The following PTPRN2 variants were observed in gnomAD, a reference collection of about 807,000 sequenced individuals.
The protein encoded by PTPRN2 is protein tyrosine phosphatase receptor type N2.
PTPRN2 carries 74 observed loss-of-function variants against 118.8 expected under a neutral mutation model. That is an observed-to-expected ratio of 0.62 (90% CI 0.52 to 0.76). The LOEUF (loss-of-function observed/expected upper bound fraction) is 0.76, where lower values mean the gene tolerates loss of function less well. PTPRN2 is among the 30% of genes least tolerant of loss of function. The probability of loss-of-function intolerance (pLI) is 0.00; values close to 1 mark genes in which losing one functional copy is unlikely to be tolerated. For synonymous variants in PTPRN2, 641 were observed against 608.0 expected (o/e 1.05, Z -0.80); for missense variants, 1,481 against 1,394.4 (o/e 1.06, Z -0.99).
intron 1 of PTPRN2, 108 bp from the exon 2 acceptor site, chr7:158,489,893 G>A: frequency 6.6e-6 from 7 of 1,067,492 alleles, no homozygotes; most frequent in Non-Finnish European, 9.6e-6. Flanking sequence ...CGCCGGTCAA[G>A]CAGGCTCCTC....
intron 12 of PTPRN2, among the ~76,000 whole-genome samples, chr7:157,849,442 G>A (rs1809113008): frequency 6.6e-6 from 1 of 152,214 alleles, no homozygotes; most frequent in Non-Finnish European, 1.5e-5. Flanking sequence ...AGGTCCCTGA[G>A]CCACCGTTCC....
intron 12 of PTPRN2, among the ~76,000 whole-genome samples, chr7:157,734,403 A>G (rs1800181765): frequency 6.6e-6 from 1 of 152,268 alleles, no homozygotes; most frequent in African/African-American, 2.4e-5. Flanking sequence ...TGTTTGTTCC[A>G]GGAAAACCCA....
intron 1 of PTPRN2, among the ~76,000 whole-genome samples, chr7:158,501,498 AG>A (rs1232818463): frequency 6.6e-6 from 1 of 152,128 alleles, no homozygotes; most frequent in African/African-American, 2.4e-5. Context: ...ACACAACGCC[AG>A]GCTGAGGCTG....
chr7:157,883,969 A>G (rs1451210354), intron 12 of PTPRN2, among the ~76,000 whole-genome samples: 1 of 152,070 alleles, frequency 6.6e-6, no homozygotes, highest in Non-Finnish European at 1.5e-5. Flanking sequence ...AATGACTGTC[A>G]GAAACCAGAA....
chr7:158,313,109 T>C (rs146647185), intron 3 of PTPRN2, among the ~76,000 whole-genome samples: 217 of 152,080 alleles, frequency 1.4e-3, no homozygotes, highest in Non-Finnish European at 2.6e-3. Context: ...AGTGTGCAAG[T>C]GTGTGTGCAA....
chr7:157,872,917 C>T (rs1271497434), intron 12 of PTPRN2, among the ~76,000 whole-genome samples: 2 of 152,254 alleles, frequency 1.3e-5, no homozygotes, highest in Non-Finnish European at 2.9e-5. Context: ...GGCCACCTCC[C>T]CTTGCTGGGA....
At chr7:158,350,736 C>G (rs544672548) in intron 2 of PTPRN2, among the ~76,000 whole-genome samples, 1 of 152,230 alleles carries the variant, frequency 6.6e-6, no homozygotes, top group African/African-American at 2.4e-5. Context: ...CGCTCATCAC[C>G]GGCCAGGCCA....
intron 15 of PTPRN2, among the ~76,000 whole-genome samples, chr7:157,608,871 T>TA (rs1802163888): frequency 1.3e-5 from 2 of 152,174 alleles, no homozygotes; most frequent in Non-Finnish European, 2.9e-5. Flanking sequence ...TGAGAATTCA[T>TA]AACAGCCTGG....
intron 17 of PTPRN2, among the ~76,000 whole-genome samples, chr7:157,592,385 G>T (rs1050894085): frequency 2.0e-5 from 3 of 152,256 alleles, no homozygotes; most frequent in African/African-American, 7.2e-5. Flanking sequence ...CTTCATGTAG[G>T]ACCCAGCACC....
At position 157,627,020 on chromosome 7, in the gene PTPRN2, G is replaced by A. The variant is rs1173931927; in HGVS notation, c.2197-5511C>T. On this transcript the variant is annotated intron_variant, in intron 14 of 22. Coordinates refer to ENST00000389418, the MANE Select transcript of PTPRN2 (RefSeq NM_002847.5). The surrounding 1 kb of genome is among the most constrained non-coding windows in gnomAD (Gnocchi z 4.2). ...ACAGCAGTCGTATAAATTTGGAAGG[G>A]CAACAGTTCAGAGAGCTCTTCTCTA... is the stretch of plus-strand genomic sequence containing the variant. Among the ~76,000 whole-genome samples, 1 of 152,200 alleles carries A rather than the reference G, an allele frequency of 6.6e-6. No individual in the cohort carries two copies. Among genetic ancestry groups the A allele is most frequent in the Non-Finnish European group, 1.5e-5 (1 of 68,028 alleles).
intron 17 of PTPRN2, among the ~76,000 whole-genome samples, chr7:157,580,653 C>T (rs1380280595): frequency 5.2e-5 from 7 of 134,450 alleles, no homozygotes; most frequent in Admixed American, 5.2e-4. Context: ...CCTGCACACC[C>T]GAGCCCCTGA....
chr7:158,104,259 CAGAAGGCCTGA>C (rs1212776035), intron 10 of PTPRN2, among the ~76,000 whole-genome samples: 1 of 152,200 alleles, frequency 6.6e-6, no homozygotes, highest in East Asian at 1.9e-4. Flanking sequence ...TCTGAGGCAT[CAGAAGGCCTGA>C]GGAAGGCCAG....
At chr7:158,378,925 C>A (rs190067038) in intron 2 of PTPRN2, among the ~76,000 whole-genome samples, 2 of 152,320 alleles carry the variant, frequency 1.3e-5, no homozygotes, top group East Asian at 1.9e-4. Flanking sequence ...GGGGAGAAGA[C>A]CCCGCTCCCA....
In PTPRN2 at chr7:157,622,858, G is replaced by A. The variant is rs991339834; in HGVS notation, c.2197-1349C>T. Among the ~76,000 whole-genome samples, 28 of 152,306 alleles carry A rather than the reference G, an allele frequency of 1.8e-4. No individual in the cohort carries two copies. The highest frequency in any genetic ancestry group is 6.7e-4 in the African/African-American group (28 of 41,574). On this transcript the variant is annotated intron_variant, in intron 14 of 22. Coordinates refer to ENST00000389418, the MANE Select transcript of PTPRN2 (RefSeq NM_002847.5). The surrounding 1 kb of genome is among the most constrained non-coding windows in gnomAD (Gnocchi z 5.3). ...GGGACTCCAGTGCCGTTGAGAAGCCGCACCGACTGCCTGCTCCACGCAGCG... is the reference window on the plus strand; with the variant it reads ...GGGACTCCAGTGCCGTTGAGAAGCCACACCGACTGCCTGCTCCACGCAGCG...
intron 5 of PTPRN2, 71 bp downstream of exon 5, chr7:158,192,256 G>A: frequency 1.5e-6 from 2 of 1,373,940 alleles, no homozygotes; most frequent in East Asian, 2.9e-5. Flanking sequence ...AGCGACTAAG[G>A]AAACATGCCC....
chr7:158,329,698 T>A (rs1339125317), intron 2 of PTPRN2, among the ~76,000 whole-genome samples: 1 of 152,190 alleles, frequency 6.6e-6, no homozygotes, highest in Non-Finnish European at 1.5e-5. Context: ...AGACACTGCG[T>A]ATTATTATCC....
At chr7:158,230,003 A>C (rs1247021872) in intron 3 of PTPRN2, among the ~76,000 whole-genome samples, 1 of 151,194 alleles carries the variant, frequency 6.6e-6, no homozygotes, top group Non-Finnish European at 1.5e-5. Context: ...AAGAGAAAAG[A>C]AGCAAGGAAT....
intron 2 of PTPRN2, among the ~76,000 whole-genome samples, chr7:158,353,313 C>T (rs569382827): frequency 2.6e-5 from 4 of 152,282 alleles, no homozygotes; most frequent in South Asian, 4.1e-4. Context: ...ACACATCACT[C>T]GGGGCTTTAT....
At chr7:157,737,067 G>A (rs183788573) in intron 12 of PTPRN2, among the ~76,000 whole-genome samples, 113 of 152,316 alleles carry the variant, frequency 7.4e-4, no homozygotes, top group Non-Finnish European at 1.1e-3. Flanking sequence ...ATCACACCAG[G>A]CGTCTTGGAT....
Sources: gnomAD v4.1 joint callset for allele counts (sites outside exome capture counted in the v4.1 genomes callset) on GRCh38, gnomAD v4.1.1 for gene constraint, Gnocchi (gnomAD v3.1) non-coding constraint, MANE v1.5 for transcripts, NCBI Gene and HGNC (gene_info 2026-07-23, HGNC 2026-07-21) for gene names.